Variants in SRPK1 observed in about 807,000 individuals in gnomAD.
SRPK1 encodes the protein SRSF protein kinase 1, also known as SFRS protein kinase 1.
Under a neutral mutation model 89.5 loss-of-function variants are expected in SRPK1, and 52 were observed. That is an observed-to-expected ratio of 0.58 (90% CI 0.46 to 0.73). The LOEUF (loss-of-function observed/expected upper bound fraction) is 0.73. Among genes scored for constraint, SRPK1 ranks in the 30% least tolerant of loss-of-function variants. SRPK1 has a pLI of 0.00. For missense variants in SRPK1, 603 were observed against 780.6 expected, an observed-to-expected ratio of 0.77 and a Z score of 2.71; for synonymous variants, 255 against 270.2, an observed-to-expected ratio of 0.94 and a Z score of 0.55.
At chr6:35,864,381 G>A (rs1769850528) in intron 12 of SRPK1, among the ~76,000 whole-genome samples, 1 of 152,108 alleles carries the variant, frequency 6.6e-6, no homozygotes, top group South Asian at 2.1e-4. Flanking sequence ...ATCAAAAAAT[G>A]GGCCAAAGAT....
intron 13 of SRPK1, among the ~76,000 whole-genome samples, chr6:35,852,449 C>T (rs981098332): frequency 1.3e-4 from 20 of 152,178 alleles, no homozygotes; most frequent in African/African-American, 4.8e-4. Context: ...TAAACAAAAG[C>T]AAACCTATAG....
intron 6 of SRPK1, among the ~76,000 whole-genome samples, chr6:35,883,711 G>A (rs1344292625): frequency 1.3e-5 from 2 of 151,360 alleles, no homozygotes; most frequent in South Asian, 2.1e-4. Flanking sequence ...GCAATCAGAA[G>A]CACTAGTAAT....
chr6:35,864,702 C>T lies in SRPK1; in HGVS notation c.1512+4308G>A, dbSNP rs118160117. Among the ~76,000 whole-genome samples, 97 of 152,198 alleles carry T rather than the reference C, an allele frequency of 6.4e-4. 1 individual carries two copies. In the East Asian group the frequency reaches 0.01, roughly 16 times the overall value. ...TCCCACTGCTGCGTATATAATCAAA[C>T]GAAAGGAAATCTGTATATAAAAAAG... On this transcript the variant is annotated intron_variant, in intron 12 of 15. Transcript: ENST00000373825.
chr6:35,890,714 T>C (rs1289745739), intron 3 of SRPK1, among the ~76,000 whole-genome samples, 181 bp downstream of exon 3: 1 of 152,218 alleles, frequency 6.6e-6, no homozygotes, highest in Non-Finnish European at 1.5e-5. Flanking sequence ...AAACATTTAA[T>C]ATAAAATTAG....
intron 12 of SRPK1, among the ~76,000 whole-genome samples, chr6:35,861,162 C>T (rs937310689): frequency 3.3e-5 from 5 of 152,072 alleles, no homozygotes; most frequent in Admixed American, 6.6e-5. Flanking sequence ...GGAAGGAATG[C>T]TAAGATTCAC....
At chr6:35,902,545 G>A (rs1019255845) in intron 2 of SRPK1, among the ~76,000 whole-genome samples, 5 of 152,200 alleles carry the variant, frequency 3.3e-5, no homozygotes, top group African/African-American at 1.2e-4. Context: ...TTTCACCTCA[G>A]TACTGGGCTA....
chr6:35,914,147 T>G (rs1771039915), intron 2 of SRPK1, among the ~76,000 whole-genome samples: 1 of 152,082 alleles, frequency 6.6e-6, no homozygotes. Flanking sequence ...GGCTAATTTT[T>G]TGTATTTTTA....
intron 2 of SRPK1, among the ~76,000 whole-genome samples, chr6:35,901,229 T>C (rs1770732885): frequency 6.6e-6 from 1 of 152,160 alleles, no homozygotes; most frequent in African/African-American, 2.4e-5. Flanking sequence ...TAACTGGGCT[T>C]GTGACATTAT....
intron 12 of SRPK1, among the ~76,000 whole-genome samples, chr6:35,861,853 G>C (rs1477498187): frequency 6.6e-6 from 1 of 152,098 alleles, no homozygotes; most frequent in Non-Finnish European, 1.5e-5. Flanking sequence ...TCATTTGAGA[G>C]GGAACCTACC....
At chr6:35,902,453 A>C (rs1183591715) in intron 2 of SRPK1, among the ~76,000 whole-genome samples, 1 of 152,004 alleles carries the variant, frequency 6.6e-6, no homozygotes, top group East Asian at 1.9e-4. Context: ...AAATCCAAAA[A>C]AAAGTCACAT....
chr6:35,860,815 ATAAG>A (rs1341831609), intron 12 of SRPK1, among the ~76,000 whole-genome samples: 1 of 152,192 alleles, frequency 6.6e-6, no homozygotes, highest in African/African-American at 2.4e-5. Context: ...TGATAAAGGT[ATAAG>A]TGTTTGGAGA....
rs1279732760 is a variant in SRPK1, at chr6:35,872,679, G to A, written c.635C>T (p.Thr212Ile). Residue 212 changes from threonine to isoleucine, a missense_variant, in exon 8 of 16, where the codon ACT becomes ATT. By Grantham distance (89) the Thr-to-Ile change is moderately conservative. Transcript: ENST00000373825. Reference protein sequence around the residue: ...YLHTKCRIIHTDIKPENILLS... With the variant: ...YLHTKCRIIHIDIKPENILLS... The stretch of plus-strand genomic sequence containing the variant: ...TAAGATGTTCTCTGGTTTAATGTCA[G>A]TGTGGATGATACGGCACTTGGTATG... 2 of 1,611,240 alleles carry A rather than the reference G, an allele frequency of 1.2e-6. No homozygotes were observed. The highest frequency in any genetic ancestry group is 1.3e-5 in the African/African-American group (1 of 74,848).
intron 6 of SRPK1, among the ~76,000 whole-genome samples, chr6:35,885,260 A>AAC (rs71540130): frequency 0.07 from 7,815 of 111,198 alleles, 356 homozygotes; most frequent in African/African-American, 0.12. Flanking sequence ...TAATTCTTTG[A>AAC]ACACACACAC....
intron 2 of SRPK1, among the ~76,000 whole-genome samples, chr6:35,900,100 G>A (rs944988240): frequency 6.6e-6 from 1 of 152,142 alleles, no homozygotes; most frequent in Non-Finnish European, 1.5e-5. Flanking sequence ...AGATGTTGGG[G>A]ACCACTGCAG....
intron 9 of SRPK1, 58 bp downstream of exon 9, chr6:35,870,876 A>G: frequency 7.1e-7 from 1 of 1,408,764 alleles, no homozygotes; most frequent in Non-Finnish European, 9.7e-7. Context: ...CCACAACAGA[A>G]GAACCCATGC....
intron 6 of SRPK1, among the ~76,000 whole-genome samples, chr6:35,878,623 A>G (rs901164008): frequency 5.9e-5 from 9 of 152,216 alleles, no homozygotes; most frequent in Admixed American, 2.0e-4. Flanking sequence ...CATGGTGGGC[A>G]AAAAGGATCC....
At chr6:35,909,796 C>T (rs999989851) in intron 2 of SRPK1, among the ~76,000 whole-genome samples, 3 of 152,142 alleles carry the variant, frequency 2.0e-5, no homozygotes, top group Non-Finnish European at 4.4e-5. Context: ...CTCCTGCCAA[C>T]TTGTGAAGAA....
Position 35,870,839 on chromosome 6 carries a change from C to T in SRPK1, c.777+95G>A, listed in dbSNP as rs1393392904. On this transcript the variant is annotated intron_variant, in intron 9 of 15. Transcript: ENST00000373825. ...GCAGGAATTTTTTTTCCTTTTGGTT[C>T]TCAAACTTGAAACAAACTGTTACCA... is the stretch of plus-strand genomic sequence containing the variant. 9.7e-6 allele frequency: 11 copies of T among 1,130,400 alleles called. No individual in the cohort carries two copies. The Admixed American group carries it at 2.4e-4, about 25-fold the overall frequency. 70.0% of individuals were successfully genotyped at this position (1,130,400 alleles called of 1,614,324 possible).
In SRPK1 at chr6:35,916,242, A is replaced by AAATTAATT. The variant is rs10692371; in HGVS notation, c.74+4218_74+4225dup. ...CTCTGCCTCAAATAAATAAATAAAT[A>AAATTAATT]AATTAATTAATTAATTAATTAAATT... On this transcript the variant is annotated intron_variant, in intron 2 of 15. Coordinates refer to ENST00000373825, the MANE Select transcript of SRPK1 (RefSeq NM_003137.5). 4.2e-3 allele frequency among the ~76,000 whole-genome samples: 616 copies of AAATTAATT among 148,110 alleles called. 6 individuals carry two copies. Among genetic ancestry groups the AAATTAATT allele is most frequent in the African/African-American group, 0.011 (424 of 39,618 alleles).
Sources: allele counts gnomAD v4.1 joint callset (sites outside exome capture counted in the v4.1 genomes callset), GRCh38; gene constraint gnomAD v4.1.1; transcripts MANE v1.5; gene names NCBI Gene and HGNC (gene_info 2026-07-23, HGNC 2026-07-21).